HTR2A: variants seen among roughly 807,000 people sequenced by gnomAD.
The protein encoded by HTR2A is 5-HT2 receptor.
In HTR2A, 14 loss-of-function variants were observed where a neutral mutation model predicts 31.0. The observed-to-expected ratio is 0.45, with a 90% CI of 0.30 to 0.71. HTR2A has a LOEUF of 0.71. Among genes scored for constraint, HTR2A ranks in the 30% least tolerant of loss-of-function variants. The pLI, the probability that HTR2A is intolerant of heterozygous loss-of-function variation, is 0.09. For missense variants in HTR2A, 442 were observed against 573.3 expected, an observed-to-expected ratio of 0.77 and a Z score of 2.34; for synonymous variants, 209 against 225.2, an observed-to-expected ratio of 0.93 and a Z score of 0.64.
chr13:46,880,218 A>C (rs1032867552), intron 3 of HTR2A, among the ~76,000 whole-genome samples: 11 of 152,152 alleles, frequency 7.2e-5, no homozygotes, highest in African/African-American at 2.4e-4. Context: ...AAGGAGTAGG[A>C]TACTAGGACA....
At chr13:46,862,538 A>G (rs1395097425) in intron 3 of HTR2A, among the ~76,000 whole-genome samples, 1 of 152,216 alleles carries the variant, frequency 6.6e-6, no homozygotes, top group Non-Finnish European at 1.5e-5. Context: ...GACTTTGGGG[A>G]ACATAGAGCC....
At chr13:46,896,278 T>C in intron 1 of HTR2A, 44 bp from the exon 2 acceptor site, 1 of 1,055,184 alleles carries the variant, frequency 9.5e-7, no homozygotes, top group Non-Finnish European at 1.2e-6. Context: ...GACTCTTGTT[T>C]AACTATATCT....
intron 3 of HTR2A, among the ~76,000 whole-genome samples, chr13:46,844,133 T>C (rs1346934944): frequency 6.6e-6 from 1 of 152,230 alleles, no homozygotes; most frequent in Admixed American, 6.5e-5. Flanking sequence ...CATGTCATTA[T>C]ATTCATGAGA....
intron 3 of HTR2A, among the ~76,000 whole-genome samples, chr13:46,851,019 C>G (rs1436194369): frequency 6.6e-6 from 1 of 152,086 alleles, no homozygotes; most frequent in Admixed American, 6.5e-5. Flanking sequence ...GGGGCAGAAA[C>G]CCTTTGAAAA....
chr13:46,854,554 C>T (rs1950716283), intron 3 of HTR2A, among the ~76,000 whole-genome samples: 1 of 152,158 alleles, frequency 6.6e-6, no homozygotes, highest in South Asian at 2.1e-4. Flanking sequence ...ATTTTTATAG[C>T]CAGGACTTCA....
rs1197779440 is a variant in HTR2A, at chr13:46,895,063, T to C, written c.412+432A>G. 1.3e-5 allele frequency among the ~76,000 whole-genome samples: 2 copies of C among 152,310 alleles called. No individual in the cohort carries two copies. Among genetic ancestry groups the C allele is most frequent in the East Asian group, 3.9e-4 (2 of 5,184 alleles). On this transcript the variant is annotated intron_variant, in intron 2 of 3. Coordinates refer to ENST00000542664, the MANE Select transcript of HTR2A (RefSeq NM_000621.5). The surrounding 1 kb of genome is among the most constrained non-coding windows in gnomAD (Gnocchi z 4.4). ...TCACTCCATTAAAAGTGCTGAAAAC[T>C]GTGTGACAAAGATTAAAACTGTTCT...
At chr13:46,879,605 A>C (rs769956453) in intron 3 of HTR2A, among the ~76,000 whole-genome samples, 11 of 152,324 alleles carry the variant, frequency 7.2e-5, no homozygotes, top group Non-Finnish European at 1.6e-4. Flanking sequence ...GGAGTAGAAA[A>C]AAACAATTGT....
intron 3 of HTR2A, among the ~76,000 whole-genome samples, chr13:46,848,849 T>C (rs1473531829): frequency 6.6e-6 from 1 of 152,196 alleles, no homozygotes; most frequent in Non-Finnish European, 1.5e-5. Context: ...ATTAAGAGTG[T>C]TTACTCGTAA....
chr13:46,889,148 G>A (rs1021292637), intron 3 of HTR2A, among the ~76,000 whole-genome samples: 2 of 151,978 alleles, frequency 1.3e-5, no homozygotes, highest in Non-Finnish European at 2.9e-5. Flanking sequence ...GAAAGTAACA[G>A]GATGAAATAA....
intron 3 of HTR2A, among the ~76,000 whole-genome samples, chr13:46,846,541 A>G (rs1021302702): frequency 6.6e-6 from 1 of 152,220 alleles, no homozygotes; most frequent in Non-Finnish European, 1.5e-5. Flanking sequence ...CACCCAAGAT[A>G]GGGGTCCTGC....
In HTR2A at chr13:46,895,261, T is replaced by C. The variant is rs1951091882; in HGVS notation, c.412+234A>G. ...CTCCAATGATCATTTTTACACAGGA[T>C]GTACGCGTTTTGAAGCACAAAACTC... On this transcript the variant is annotated intron_variant, in intron 2 of 3. Coordinates refer to ENST00000542664, the MANE Select transcript of HTR2A (RefSeq NM_000621.5). The surrounding 1 kb of genome is among the most constrained non-coding windows in gnomAD (Gnocchi z 4.4). The C allele has an allele frequency of 2.1e-6, 1 of 468,020 alleles. No individual in the cohort carries two copies. The highest frequency in any genetic ancestry group is 3.4e-5 in the South Asian group (1 of 29,028). 29.0% of individuals were successfully genotyped at this position (468,020 alleles called of 1,614,324 possible).
At chr13:46,853,853 A>G (rs542451082) in intron 3 of HTR2A, 1 of 152,270 alleles carries the variant, frequency 6.6e-6, no homozygotes, top group South Asian at 2.1e-4. Context: ...TTTCCCATAT[A>G]TGGACTTCAT....
At chr13:46,855,459 G>A (rs1950727974) in intron 3 of HTR2A, among the ~76,000 whole-genome samples, 1 of 152,158 alleles carries the variant, frequency 6.6e-6, no homozygotes, top group South Asian at 2.1e-4. Context: ...CTGGGTAGCT[G>A]TCTCAATTTC....
Position 46,852,527 on chromosome 13 carries a change from C to T in HTR2A, c.614-16888G>A, listed in dbSNP as rs59438076. On this transcript the variant is annotated intron_variant, in intron 3 of 3. Transcript: ENST00000542664. ...AAAAGTTCTTTGTCAAAGGGACAAACGATGAGCTATGATGCCATTCAGACT... is the reference window on the plus strand; with the variant it reads ...AAAAGTTCTTTGTCAAAGGGACAAATGATGAGCTATGATGCCATTCAGACT... Among the ~76,000 whole-genome samples the T allele has an allele frequency of 1.5e-3, 223 of 152,352 alleles. 7 individuals are homozygous for T. In the East Asian group the frequency reaches 0.033, roughly 22 times the overall value.
chr13:46,878,247 C>G (rs934988545), intron 3 of HTR2A, among the ~76,000 whole-genome samples: 1 of 152,076 alleles, frequency 6.6e-6, no homozygotes, highest in Non-Finnish European at 1.5e-5. Context: ...ATCTAGGAAA[C>G]AGTGAGCAAG....
intron 3 of HTR2A, among the ~76,000 whole-genome samples, chr13:46,891,681 C>A (rs1433585371): frequency 6.6e-6 from 1 of 152,164 alleles, no homozygotes; most frequent in African/African-American, 2.4e-5. Context: ...GGTTACCAAC[C>A]AAGCTGCTGA....
In HTR2A at chr13:46,835,380, T is replaced by G. The variant is rs1566298234; in HGVS notation, c.873A>C (p.Ser291=). Residue 291 remains serine, a synonymous_variant, in exon 4 of 4, where the codon TCA becomes TCC. Coordinates refer to ENST00000542664, the MANE Select transcript of HTR2A (RefSeq NM_000621.5). ...GGATCGACCGCTGGAAGAGCTTTTC[T>G]GAAGACAAAGAACTCTGAGGGAGGA... ...FSFLPQSSLS[S]EKLFQRSIHR... is the part of the protein sequence containing the mutation. 6.2e-7 allele frequency: 1 copy of G among 1,614,120 alleles called. No homozygotes were observed. Among genetic ancestry groups the G allele is most frequent in the East Asian group, 2.2e-5 (1 of 44,884 alleles).
chr13:46,834,807 C>A lies in HTR2A; in HGVS notation c.*30G>T, dbSNP rs755032042. On this transcript the variant is annotated 3_prime_UTR_variant, in exon 4 of 4. Coordinates refer to ENST00000542664, the MANE Select transcript of HTR2A (RefSeq NM_000621.5). ...GATAGGTGAAAACTTGCTCAGTGTGCCTTCCACAGTTGCCACGGCAACTAG... is the reference window on the plus strand; with the variant it reads ...GATAGGTGAAAACTTGCTCAGTGTGACTTCCACAGTTGCCACGGCAACTAG... 6.5e-7 allele frequency: 1 copy of A among 1,550,286 alleles called. No homozygotes were observed. The highest frequency in any genetic ancestry group is 8.7e-7 in the Non-Finnish European group (1 of 1,142,892).
intron 3 of HTR2A, among the ~76,000 whole-genome samples, chr13:46,865,438 A>AAAT (rs1385995365): frequency 1.3e-3 from 23 of 18,092 alleles, no homozygotes; most frequent in African/African-American, 2.7e-3. Flanking sequence ...CATCAACAGA[A>AAAT]AAGAATATAA....
Sources: gnomAD v4.1 joint callset for allele counts (sites outside exome capture counted in the v4.1 genomes callset) on GRCh38, gnomAD v4.1.1 for gene constraint, Gnocchi (gnomAD v3.1) non-coding constraint, MANE v1.5 for transcripts, NCBI Gene and HGNC (gene_info 2026-07-23, HGNC 2026-07-21) for gene names.